Variants in LRRC7 observed in about 807,000 individuals in gnomAD.
LRRC7 encodes the protein leucine rich repeat containing 7.
LRRC7 carries 23 observed loss-of-function variants against 175.7 expected under a neutral mutation model. That is an observed-to-expected ratio of 0.13 (90% confidence interval 0.09 to 0.19). The LOEUF is 0.19. Ranked by LOEUF, LRRC7 falls within the 10% of genes least tolerant of loss-of-function variation. The probability of loss-of-function intolerance (pLI) is 1.00; values close to 1 mark genes in which losing one functional copy is unlikely to be tolerated. For synonymous variants in LRRC7, 685 were observed against 680.9 expected (o/e 1.01, Z -0.09); for missense variants, 1,354 against 1,904.7 (o/e 0.71, Z 5.38).
intron 23 of LRRC7, among the ~76,000 whole-genome samples, chr1:70,067,450 A>G (rs189582333): frequency 4.6e-5 from 7 of 152,190 alleles, no homozygotes; most frequent in Admixed American, 1.3e-4. Context: ...TTGTCAATCT[A>G]TTTATCAGTT....
At chr1:69,624,263 C>T (rs1363787226) in intron 1 of LRRC7, among the ~76,000 whole-genome samples, 2 of 152,116 alleles carry the variant, frequency 1.3e-5, no homozygotes, top group South Asian at 4.1e-4. Context: ...TTAGCATCTT[C>T]TTGATAACTA....
chr1:69,774,515 A>G (rs1291777753), intron 3 of LRRC7, among the ~76,000 whole-genome samples: 1 of 152,208 alleles, frequency 6.6e-6, no homozygotes, highest in Admixed American at 6.5e-5. Flanking sequence ...ATTGATGCTT[A>G]ATGAGTAGAT....
At chr1:69,788,123 A>G (rs1479937942) in intron 3 of LRRC7, among the ~76,000 whole-genome samples, 2 of 152,090 alleles carry the variant, frequency 1.3e-5, no homozygotes, top group East Asian at 3.9e-4. Flanking sequence ...GGTGGTCTCT[A>G]AGCCAATCTC....
At chr1:69,896,187 A>G (rs897127437) in intron 7 of LRRC7, among the ~76,000 whole-genome samples, 1 of 152,120 alleles carries the variant, frequency 6.6e-6, no homozygotes, top group South Asian at 2.1e-4. Flanking sequence ...TAATAGATGT[A>G]CATATTTTCA....
chr1:69,945,793 C>T (rs1649242903), intron 8 of LRRC7, among the ~76,000 whole-genome samples: 1 of 152,002 alleles, frequency 6.6e-6, no homozygotes, highest in Admixed American at 6.6e-5. Flanking sequence ...TTGGACAGCT[C>T]ATTTTTCTGT....
intron 1 of LRRC7, among the ~76,000 whole-genome samples, chr1:69,583,661 T>G (rs979187313): frequency 2.0e-5 from 3 of 152,172 alleles, no homozygotes; most frequent in Non-Finnish European, 4.4e-5. Flanking sequence ...AAAAACAACT[T>G]ACCCCCAATT....
chr1:70,023,176 C>T lies in LRRC7; in HGVS notation c.1596C>T (p.Leu532=). ...PWERGQRGIT[L]QPARLSGDCC... ...AAAGGGGCCAGCGTGGGATTACTCTCCAACCTGCCAGACTGTCTGGCGATT... is the reference window on the plus strand; with the variant it reads ...AAAGGGGCCAGCGTGGGATTACTCTTCAACCTGCCAGACTGTCTGGCGATT... Residue 532 remains leucine (L), a synonymous_variant, in exon 17 of 27, where the codon CTC becomes CTT. Transcript: ENST00000651989. 1 of 1,543,720 alleles carries T rather than the reference C, an allele frequency of 6.5e-7. No individual in the cohort carries two copies. Among genetic ancestry groups the T allele is most frequent in the Non-Finnish European group, 8.8e-7 (1 of 1,136,522 alleles).
intron 11 of LRRC7, among the ~76,000 whole-genome samples, chr1:70,004,823 CCTCT>C (rs1480332264): frequency 6.6e-6 from 1 of 151,814 alleles, no homozygotes; most frequent in African/African-American, 2.4e-5. Context: ...CTCCTATATT[CCTCT>C]CTACTTCTCT....
At chr1:69,873,134 G>A (rs1685720830) in intron 7 of LRRC7, among the ~76,000 whole-genome samples, 1 of 152,130 alleles carries the variant, frequency 6.6e-6, no homozygotes, top group Admixed American at 6.5e-5. Flanking sequence ...GATAGTGTAA[G>A]CAAGTAATTT....
chr1:70,029,894 T>G (rs1041720197), intron 18 of LRRC7, among the ~76,000 whole-genome samples: 23 of 152,282 alleles, frequency 1.5e-4, no homozygotes, highest in Middle Eastern at 3.4e-3. Flanking sequence ...AATCCAAAAT[T>G]AGATTTAATG....
At chr1:70,078,442 G>A (rs1351932728) in intron 24 of LRRC7, among the ~76,000 whole-genome samples, 2 of 152,054 alleles carry the variant, frequency 1.3e-5, no homozygotes, top group African/African-American at 2.4e-5. Flanking sequence ...AATTATACCA[G>A]GAACATCAGC....
At position 70,132,492 on chromosome 1, in the gene LRRC7, G is replaced by A. The variant is rs1475081705; in HGVS notation, c.*10605G>A. Among the ~76,000 whole-genome samples the A allele has an allele frequency of 9.3e-6, 1 of 107,830 alleles. No homozygotes were observed. The highest frequency in any genetic ancestry group is 3.7e-5 in the African/African-American group (1 of 26,718). The allele number at this position is 107,830 out of a possible 152,430, so 70.7% of individuals were successfully genotyped here. On this transcript the variant is annotated 3_prime_UTR_variant, in exon 27 of 27. Coordinates refer to ENST00000651989, the MANE Select transcript of LRRC7 (RefSeq NM_001370785.2). ...TTTTTTTTTTTTTTTTTGAGACGGA[G>A]TCTCACTCTGTCATCAGGCTGGAGG...
At chr1:69,643,364 A>T (rs1285103549) in intron 1 of LRRC7, among the ~76,000 whole-genome samples, 1 of 152,158 alleles carries the variant, frequency 6.6e-6, no homozygotes, top group African/African-American at 2.4e-5. Context: ...ATTAACTCTC[A>T]CAGTCAGTAA....
chr1:69,736,458 G>A (rs569318944), intron 2 of LRRC7, among the ~76,000 whole-genome samples: 1 of 152,106 alleles, frequency 6.6e-6, no homozygotes, highest in Non-Finnish European at 1.5e-5. Context: ...AGTGGTATTT[G>A]AATGACAAAG....
intron 6 of LRRC7, among the ~76,000 whole-genome samples, chr1:69,836,668 C>T (rs549235902): frequency 6.6e-6 from 1 of 151,804 alleles, no homozygotes; most frequent in Admixed American, 6.6e-5. Context: ...CTTGAAATTC[C>T]TTTTAAAACC....
At chr1:69,792,005 C>T in intron 3 of LRRC7, 38 bp from the exon 4 acceptor site, 1 of 1,305,718 alleles carries the variant, frequency 7.7e-7, no homozygotes, top group Non-Finnish European at 1.1e-6. Flanking sequence ...TGAATTTAAC[C>T]AAATTGAGAT....
At position 70,011,780 on chromosome 1, in the gene LRRC7, T is replaced by C. The variant is rs1656533513; in HGVS notation, c.1005-17T>C. On this transcript the variant is annotated splice_polypyrimidine_tract_variant and intron_variant, in intron 11 of 26. Coordinates refer to ENST00000651989, the MANE Select transcript of LRRC7 (RefSeq NM_001370785.2). The stretch of plus-strand genomic sequence containing the variant: ...TCTAACTTTTAAAATGTCTAACTAA[T>C]GTATTTAACTTTTCAGTTTATCTTT... The C allele has an allele frequency of 6.6e-7, 1 of 1,520,494 alleles. No individual in the cohort carries two copies. Among genetic ancestry groups the C allele is most frequent in the Non-Finnish European group, 9.1e-7 (1 of 1,100,548 alleles). The allele number at this position is 1,520,494 out of a possible 1,614,324, so 94.2% of individuals were successfully genotyped here.
At chr1:69,889,670 GGT>G (rs2101639405) in intron 7 of LRRC7, among the ~76,000 whole-genome samples, 1 of 152,248 alleles carries the variant, frequency 6.6e-6, no homozygotes, top group East Asian at 1.9e-4. Flanking sequence ...AGCTAGGTGT[GGT>G]GTCATGCACC....
At chr1:69,701,980 T>G (rs1663412818) in intron 2 of LRRC7, among the ~76,000 whole-genome samples, 1 of 152,240 alleles carries the variant, frequency 6.6e-6, no homozygotes, top group East Asian at 1.9e-4. Context: ...AGTCTTTGCA[T>G]TAATAATTTT....
Sources: gnomAD v4.1 joint callset for allele counts (sites outside exome capture counted in the v4.1 genomes callset) on GRCh38, gnomAD v4.1.1 for gene constraint, MANE v1.5 for transcripts, NCBI Gene and HGNC (gene_info 2026-07-23, HGNC 2026-07-21) for gene names.